Variants in THSD7B observed in about 807,000 individuals in gnomAD.
The protein encoded by THSD7B is thrombospondin type 1 domain containing 7B.
A neutral mutation model predicts 213.6 loss-of-function variants in THSD7B; 138 were observed. The ratio of observed to expected loss-of-function variants is 0.65; its 90% CI spans 0.56 to 0.74. The LOEUF (loss-of-function observed/expected upper bound fraction) is 0.74, where lower values mean the gene tolerates loss of function less well. THSD7B is among the 30% of genes least tolerant of loss of function. THSD7B has a pLI of 0.00. For missense variants in THSD7B, 1,931 were observed against 1,991.5 expected, an observed-to-expected ratio of 0.97 and a Z score of 0.58; for synonymous variants, 742 against 687.0, an observed-to-expected ratio of 1.08 and a Z score of -1.25.
At chr2:137,366,820 G>A (rs954432703) in intron 12 of THSD7B, among the ~76,000 whole-genome samples, 5 of 151,928 alleles carry the variant, frequency 3.3e-5, no homozygotes, top group East Asian at 1.9e-4. Flanking sequence ...CTAAAATATA[G>A]CATTTCTATA....
Position 137,102,266 on chromosome 2 carries a change from C to A in THSD7B, c.1199+7145C>A, listed in dbSNP as rs544689302. ...GCAAACAGAGCCTGAAGTGGACCTCCAGCAGACTCCAGCAGACCTGCAGCA... is the reference window on the plus strand; with the variant it reads ...GCAAACAGAGCCTGAAGTGGACCTCAAGCAGACTCCAGCAGACCTGCAGCA... On this transcript the variant is annotated intron_variant, in intron 4 of 27. Coordinates refer to ENST00000409968, the MANE Select transcript of THSD7B (RefSeq NM_001316349.2). Among the ~76,000 whole-genome samples the A allele has an allele frequency of 3.4e-3, 518 of 152,320 alleles. 3 individuals carry two copies. Among genetic ancestry groups the A allele is most frequent in the African/African-American group, 0.011 (439 of 41,554 alleles).
At chr2:137,241,156 G>T (rs1050937842) in intron 9 of THSD7B, among the ~76,000 whole-genome samples, 1 of 152,214 alleles carries the variant, frequency 6.6e-6, no homozygotes, top group African/African-American at 2.4e-5. Context: ...GTAACTGAAA[G>T]AATGTAGGCA....
In THSD7B at chr2:137,575,725, C is replaced by CACACATATATATATATATATATATATAT. The variant is rs59620213; in HGVS notation, c.3423+3170_3423+3171insCACATATATATATATATATATATATATA. Among the ~76,000 whole-genome samples, 160 of 110,818 alleles carry CACACATATATATATATATATATATATAT rather than the reference C, an allele frequency of 1.4e-3. 1 individual carries two copies. The highest frequency in any genetic ancestry group is 2.2e-3 in the Non-Finnish European group (113 of 51,138). 72.7% of individuals were successfully genotyped at this position (110,818 alleles called of 152,430 possible). On this transcript the variant is annotated intron_variant, in intron 17 of 27. Transcript: ENST00000409968. ...TGTTTTTTCTTATTCCCATAACACA[C>CACACATATATATATATATATATATATAT]ATATATATATATATATATTTTTACT...
chr2:137,667,112 T>G (rs1220727854), intron 26 of THSD7B, among the ~76,000 whole-genome samples: 1 of 151,482 alleles, frequency 6.6e-6, no homozygotes, highest in Non-Finnish European at 1.5e-5. Flanking sequence ...GTCAAATGTT[T>G]TGCCATATTT....
chr2:137,658,743 G>A (rs1683286008), intron 24 of THSD7B, among the ~76,000 whole-genome samples: 1 of 152,222 alleles, frequency 6.6e-6, no homozygotes, highest in East Asian at 1.9e-4. Flanking sequence ...TCAAGTCACA[G>A]TGAGAATTTA....
chr2:136,832,895 A>G (rs186188593), intron 1 of THSD7B, among the ~76,000 whole-genome samples: 2 of 152,254 alleles, frequency 1.3e-5, no homozygotes, highest in Admixed American at 1.3e-4. Context: ...TTCATCCTCT[A>G]GTTATACTTT....
intron 2 of THSD7B, among the ~76,000 whole-genome samples, chr2:136,934,144 A>G (rs1433232059): frequency 6.6e-6 from 1 of 152,218 alleles, no homozygotes; most frequent in Non-Finnish European, 1.5e-5. Context: ...AAAACCTTTT[A>G]TCTAACTCCT....
At chr2:137,114,347 T>C (rs892267034) in intron 4 of THSD7B, among the ~76,000 whole-genome samples, 4 of 152,214 alleles carry the variant, frequency 2.6e-5, no homozygotes, top group Admixed American at 2.6e-4. Context: ...CTGCCTAAAA[T>C]AATTCTCTAG....
intron 14 of THSD7B, among the ~76,000 whole-genome samples, chr2:137,439,722 C>T (rs1687362490): frequency 6.6e-6 from 1 of 152,052 alleles, no homozygotes; most frequent in Admixed American, 6.6e-5. Context: ...CATTCTTGTA[C>T]ATTGATTTCT....
intron 2 of THSD7B, among the ~76,000 whole-genome samples, chr2:136,928,105 A>T (rs1163443398): frequency 6.6e-6 from 1 of 152,190 alleles, no homozygotes; most frequent in Non-Finnish European, 1.5e-5. Flanking sequence ...CCATCTTGAA[A>T]ATATCATAAG....
At chr2:137,445,408 ATAT>A (rs1183293535) in intron 14 of THSD7B, among the ~76,000 whole-genome samples, 1 of 152,016 alleles carries the variant, frequency 6.6e-6, no homozygotes, top group Admixed American at 6.6e-5. Context: ...ACACAATGGA[ATAT>A]TATTTGTCCA....
rs2104975784 is a variant in THSD7B at position 137,152,069 on chromosome 2, C to T, written c.1370-8144C>T. 1.3e-5 allele frequency among the ~76,000 whole-genome samples: 2 copies of T among 148,268 alleles called. 1 individual carries two copies. Among genetic ancestry groups the T allele is most frequent in the African/African-American group, 5.0e-5 (2 of 40,012 alleles). Reference sequence around the variant, plus strand: ...AAGCAAAACTTGAAGAGGAGGGGTGCTTATAGTGAACTCTTTAAATGTTTT... The same window carrying T: ...AAGCAAAACTTGAAGAGGAGGGGTGTTTATAGTGAACTCTTTAAATGTTTT... On this transcript the variant is annotated intron_variant, in intron 5 of 27. Coordinates refer to ENST00000409968, the MANE Select transcript of THSD7B (RefSeq NM_001316349.2).
At chr2:136,894,436 C>T (rs1683917625) in intron 2 of THSD7B, among the ~76,000 whole-genome samples, 1 of 152,136 alleles carries the variant, frequency 6.6e-6, no homozygotes, top group Non-Finnish European at 1.5e-5. Context: ...AGGTCCTAAG[C>T]CATGCTGTGT....
At chr2:137,356,967 G>GACACAC (rs3048465) in intron 12 of THSD7B, among the ~76,000 whole-genome samples, 2,317 of 140,912 alleles carry the variant, frequency 0.016, 27 homozygotes, top group Admixed American at 0.046. Flanking sequence ...CACACACACA[G>GACACAC]ACACACACAC....
chr2:136,910,335 A>G (rs951068754), intron 2 of THSD7B, among the ~76,000 whole-genome samples: 6 of 152,206 alleles, frequency 3.9e-5, no homozygotes, highest in African/African-American at 1.4e-4. Context: ...TGGTAGTGGC[A>G]TACTGGGTAG....
intron 2 of THSD7B, among the ~76,000 whole-genome samples, chr2:137,029,810 C>G (rs747664334): frequency 2.6e-5 from 4 of 152,036 alleles, no homozygotes; most frequent in Non-Finnish European, 4.4e-5. Context: ...ATAATGGTAC[C>G]CTGTTTTTAT....
chr2:136,954,027 T>C (rs1239962406), intron 2 of THSD7B, among the ~76,000 whole-genome samples: 1 of 152,214 alleles, frequency 6.6e-6, no homozygotes, highest in African/African-American at 2.4e-5. Flanking sequence ...GATGTCTCAG[T>C]TATTCACTCA....
intron 10 of THSD7B, among the ~76,000 whole-genome samples, chr2:137,255,835 G>A (rs1682294104): frequency 6.6e-6 from 1 of 152,222 alleles, no homozygotes; most frequent in Admixed American, 6.5e-5. Context: ...GGGACTACAG[G>A]TGCGTGCCAC....
At chr2:136,936,166 A>T (rs1338162160) in intron 2 of THSD7B, among the ~76,000 whole-genome samples, 3 of 151,980 alleles carry the variant, frequency 2.0e-5, no homozygotes, top group Admixed American at 2.0e-4. Context: ...AAAATCAAAA[A>T]ATGATAGATG....
Sources: allele counts gnomAD v4.1 joint callset (sites outside exome capture counted in the v4.1 genomes callset), GRCh38; gene constraint gnomAD v4.1.1; transcripts MANE v1.5; gene names NCBI Gene and HGNC (gene_info 2026-07-23, HGNC 2026-07-21).